The following SYBU variants were observed in gnomAD, a reference collection of about 807,000 sequenced individuals.
The protein encoded by SYBU is GOLSYN A protein.
SYBU carries 21 observed loss-of-function variants against 35.9 expected under a neutral mutation model. The ratio of observed to expected loss-of-function variants is 0.58; its 90% CI spans 0.41 to 0.84. The LOEUF (loss-of-function observed/expected upper bound fraction) is 0.84, where lower values mean the gene tolerates loss of function less well. SYBU is among the 40% of genes least tolerant of loss of function. The pLI is 0.00. For missense variants in SYBU, 768 were observed against 848.2 expected, an observed-to-expected ratio of 0.91 and a Z score of 1.17; for synonymous variants, 319 against 324.3, an observed-to-expected ratio of 0.98 and a Z score of 0.18.
rs1472946154 is a variant in SYBU at position 109,575,674 on chromosome 8, G to A, written c.1224C>T (p.Asp408=). 4.3e-6 allele frequency: 7 copies of A among 1,614,094 alleles called. No individual in the cohort carries two copies. In the East Asian group the frequency reaches 1.3e-4, roughly 31 times the overall value. ...EKSLTLNPPL[D]TMADGLSLEE... ...CCAGAGATAACCCATCTGCCATTGT[G>A]TCAAGAGGGGGGTTGAGGGTTAAGC... The change falls in exon 7 of 7, where the codon GAC becomes GAT. Residue 408 remains aspartate (D), a synonymous_variant. Coordinates refer to ENST00000276646, the MANE Select transcript of SYBU (RefSeq NM_001099754.2).
intron 6 of SYBU, among the ~76,000 whole-genome samples, chr8:109,577,482 G>A (rs1026122569): frequency 5.9e-5 from 9 of 151,882 alleles, no homozygotes; most frequent in African/African-American, 1.7e-4. Context: ...ATATAAACAC[G>A]GCTTAATTGG....
chr8:109,660,538 A>G (rs1816522372), intron 1 of SYBU, among the ~76,000 whole-genome samples: 1 of 152,194 alleles, frequency 6.6e-6, no homozygotes, highest in Non-Finnish European at 1.5e-5. Flanking sequence ...TTACCAGATT[A>G]CTATCTATCC....
intron 3 of SYBU, among the ~76,000 whole-genome samples, chr8:109,609,563 T>C (rs1810943135): frequency 6.6e-6 from 1 of 152,184 alleles, no homozygotes; most frequent in Non-Finnish European, 1.5e-5. Flanking sequence ...AAACCAGCTG[T>C]CCCATGCTAT....
chr8:109,684,906 TA>T, upstream of SYBU, among the ~76,000 whole-genome samples: 1 of 152,314 alleles, frequency 6.6e-6, no homozygotes, highest in East Asian at 1.9e-4. Flanking sequence ...TCTCTACTGT[TA>T]ATTAGAAAAG....
chr8:109,592,763 G>T (rs1824426854), intron 3 of SYBU, among the ~76,000 whole-genome samples: 1 of 152,194 alleles, frequency 6.6e-6, no homozygotes, highest in African/African-American at 2.4e-5. Context: ...CACTAGTTGT[G>T]TATCTTGACC....
Position 109,575,714 on chromosome 8 carries a change from T to G in SYBU, c.1184A>C (p.Asp395Ala), listed in dbSNP as rs766083751. 7 of 1,614,002 alleles carry G rather than the reference T, an allele frequency of 4.3e-6. No individual in the cohort carries two copies. In the East Asian group the frequency reaches 1.6e-4, roughly 36 times the overall value. The change falls in exon 7 of 7, where the codon GAT (aspartate) becomes GCT (alanine). Residue 395 changes from aspartate to alanine, a missense_variant. By Grantham distance (126) the Asp-to-Ala change is moderately radical. Transcript: ENST00000276646. ...RDELCLDFPC[D>A]SPEKSLTLNP... ...GAGGGTTAAGCTCTTCTCTGGGGAA[T>G]CACATGGAAAGTCTAGGCACAGTTC...
intron 1 of SYBU, among the ~76,000 whole-genome samples, chr8:109,661,368 T>C (rs868360099): frequency 2.5e-4 from 38 of 152,340 alleles, no homozygotes; most frequent in Middle Eastern, 3.4e-3. Context: ...ATATGTGGAA[T>C]GATACCTGTA....
At chr8:109,603,366 TTGCTCTGCTCACAAATTA>T (rs1825746117) in intron 3 of SYBU, 1 of 981,338 alleles carries the variant, frequency 1.0e-6, no homozygotes, top group Non-Finnish European at 1.2e-6. Flanking sequence ...CAATTGGATT[TTGCTCTGCTCACAAATTA>T]TGCTCTGCAT....
chr8:109,644,179 C>G (rs1421754921), intron 1 of SYBU: 1 of 461,864 alleles, frequency 2.2e-6, no homozygotes, highest in Non-Finnish European at 4.3e-6. Context: ...GGCCGCCAGC[C>G]GCACGCAGCC....
At chr8:109,592,270 AT>A (rs1244894593) in intron 3 of SYBU, among the ~76,000 whole-genome samples, 1 of 152,070 alleles carries the variant, frequency 6.6e-6, no homozygotes, top group Non-Finnish European at 1.5e-5. Context: ...TCCTTTTGCC[AT>A]TGTTCAGCAA....
At chr8:109,689,760 C>T (rs1287185850) in intron 1 of SYBU, among the ~76,000 whole-genome samples, 1 of 150,788 alleles carries the variant, frequency 6.6e-6, no homozygotes, top group Non-Finnish European at 1.5e-5. Flanking sequence ...ATCCCATCTC[C>T]AAACCTTGTC....
intron 1 of SYBU, among the ~76,000 whole-genome samples, chr8:109,687,110 C>G (rs923846770): frequency 1.3e-5 from 2 of 152,076 alleles, no homozygotes; most frequent in African/African-American, 2.4e-5. Flanking sequence ...AGACTGGACT[C>G]TAATTTTGAA....
At chr8:109,576,085 A>ACAGGCAGTT (rs1822282252) in intron 6 of SYBU, 72 bp from the exon 7 acceptor site, 2 of 1,442,246 alleles carry the variant, frequency 1.4e-6, no homozygotes, top group African/African-American at 1.4e-5. Context: ...CAACTGGGCA[A>ACAGGCAGTT]CAGGCAGTTC....
upstream of SYBU, chr8:109,645,207 C>T (rs1327167268): frequency 4.4e-6 from 2 of 456,816 alleles, no homozygotes; most frequent in Non-Finnish European, 8.8e-6. Context: ...CCTGGCCACC[C>T]CTCCTTGGCC....
chr8:109,644,033 T>G, intron 1 of SYBU: 1 of 453,930 alleles, frequency 2.2e-6, no homozygotes. Context: ...TGACCTACTG[T>G]TCCTTCCACC....
intron 5 of SYBU, among the ~76,000 whole-genome samples, chr8:109,578,427 G>A (rs1954715): frequency 6.6e-6 from 1 of 152,136 alleles, no homozygotes; most frequent in South Asian, 2.1e-4. Context: ...CTTTGTTATA[G>A]CCACCCACAT....
chr8:109,640,468 C>T (rs1814731983), intron 2 of SYBU, among the ~76,000 whole-genome samples: 1 of 152,068 alleles, frequency 6.6e-6, no homozygotes, highest in South Asian at 2.1e-4. Flanking sequence ...AAATGTGGAA[C>T]TGAGTTATGT....
intron 3 of SYBU, 61 bp from the exon 4 acceptor site, chr8:109,586,223 A>C: frequency 1.6e-6 from 2 of 1,277,344 alleles, no homozygotes; most frequent in Non-Finnish European, 1.1e-6. Context: ...CACATTGGCC[A>C]GTTCCCTGCC....
intron 1 of SYBU, among the ~76,000 whole-genome samples, chr8:109,670,267 T>C (rs1313121467): frequency 6.6e-6 from 1 of 151,924 alleles, no homozygotes; most frequent in Non-Finnish European, 1.5e-5. Context: ...ATTATTATAC[T>C]TTTAAGTTCT....
Sources: allele counts gnomAD v4.1 joint callset (sites outside exome capture counted in the v4.1 genomes callset), GRCh38; gene constraint gnomAD v4.1.1; transcripts MANE v1.5; gene names NCBI Gene and HGNC (gene_info 2026-07-23, HGNC 2026-07-21).